Variants in CACNA1C observed in about 807,000 individuals in gnomAD.
CACNA1C encodes the protein voltage-dependent L-type calcium channel subunit alpha-1C.
Under a neutral mutation model 229.0 loss-of-function variants are expected in CACNA1C, and 30 were observed. The ratio of observed to expected loss-of-function variants is 0.13; its 90% CI spans 0.10 to 0.18. CACNA1C has a LOEUF of 0.18. Among genes scored for constraint, CACNA1C ranks in the 10% least tolerant of loss-of-function variants. The probability of loss-of-function intolerance (pLI) is 1.00; values close to 1 mark genes in which losing one functional copy is unlikely to be tolerated. For synonymous variants in CACNA1C, 1,114 were observed against 1,132.5 expected (o/e 0.98, Z 0.33); for missense variants, 1,658 against 2,845.0 (o/e 0.58, Z 9.49).
rs1024367738 is a variant in CACNA1C, at chr12:2,391,784, T to C, written c.478-57192T>C. On this transcript the variant is annotated intron_variant, in intron 3 of 46. Coordinates refer to ENST00000399655, the MANE Select transcript of CACNA1C (RefSeq NM_000719.7). The stretch of plus-strand genomic sequence containing the variant: ...AAGAACACCCACTCTGTTTGCCCTC[T>C]AGACCTGGGCTATCGAATCCACTAG... 5.3e-5 allele frequency among the ~76,000 whole-genome samples: 8 copies of C among 152,256 alleles called. No individual in the cohort carries two copies. In the South Asian group the frequency reaches 6.2e-4, roughly 12 times the overall value.
intron 3 of CACNA1C, among the ~76,000 whole-genome samples, chr12:2,209,085 G>A (rs950570589): frequency 1.1e-4 from 16 of 152,180 alleles, no homozygotes; most frequent in African/African-American, 3.9e-4. Flanking sequence ...TGTTTGTGCA[G>A]CACCTGGTAT....
intron 3 of CACNA1C, among the ~76,000 whole-genome samples, chr12:2,409,848 G>T (rs1260245114): frequency 6.6e-6 from 1 of 152,248 alleles, no homozygotes. Flanking sequence ...AGCAGGGGAG[G>T]TGGAGGCAAC....
At chr12:1,994,230 T>TA (rs2040247776) in intron 1 of CACNA1C, among the ~76,000 whole-genome samples, 3 of 152,222 alleles carry the variant, frequency 2.0e-5, no homozygotes, top group African/African-American at 7.2e-5. Context: ...AAACACCACA[T>TA]ACTTACACAC....
chr12:2,653,776 A>AG lies in CACNA1C; in HGVS notation c.4075-55dup. The AG allele has an allele frequency of 1.4e-6, 2 of 1,473,878 alleles. No individual in the cohort carries two copies. Among genetic ancestry groups the AG allele is most frequent in the Non-Finnish European group, 1.9e-6 (2 of 1,055,558 alleles). The allele number at this position is 1,473,878 out of a possible 1,614,324, so 91.3% of individuals were successfully genotyped here. ...GACAGGGATGCGGCGCTCCCTGGGA[A>AG]GGGGCCCAGCTGGCCTCTGCACTCC... On this transcript the variant is annotated intron_variant, in intron 32 of 46. Transcript: ENST00000399655. This position sits in a 1 kb window ranked among gnomAD's most constrained non-coding sequence, Gnocchi z 4.7.
chr12:2,255,596 T>G (rs573468204), intron 3 of CACNA1C, among the ~76,000 whole-genome samples: 12 of 152,326 alleles, frequency 7.9e-5, no homozygotes, highest in African/African-American at 2.2e-4. Context: ...CTTCCCAGTT[T>G]ACTAAGTGTG....
chr12:2,226,436 A>G (rs2063045802), intron 3 of CACNA1C, among the ~76,000 whole-genome samples: 1 of 152,200 alleles, frequency 6.6e-6, no homozygotes, highest in Non-Finnish European at 1.5e-5. Flanking sequence ...TATTCACTGT[A>G]ATACCCTGAC....
rs2097836133 is a variant in CACNA1C, at chr12:2,695,691, T to C, written c.*4492T>C. 6.6e-6 allele frequency: 1 copy of C among 152,248 alleles called. No homozygotes were observed. Among genetic ancestry groups the C allele is most frequent in the African/African-American group, 2.4e-5 (1 of 41,452 alleles). The allele number at this position is 152,248 out of a possible 1,614,324, so 9.4% of individuals were successfully genotyped here. ...GCTCCCTGTCCTCCCCAACACCTAGTGAGAAAGACGGTGCGTGGAAGGGAG... is the reference window on the plus strand; with the variant it reads ...GCTCCCTGTCCTCCCCAACACCTAGCGAGAAAGACGGTGCGTGGAAGGGAG... On this transcript the variant is annotated 3_prime_UTR_variant, in exon 47 of 47. Coordinates refer to ENST00000399655, the MANE Select transcript of CACNA1C (RefSeq NM_000719.7).
chr12:2,695,128 T>G lies in CACNA1C; in HGVS notation c.*3929T>G, dbSNP rs1209760185. 1 of 152,220 alleles carries G rather than the reference T, an allele frequency of 6.6e-6. No homozygotes were observed. Among genetic ancestry groups the G allele is most frequent in the African/African-American group, 2.4e-5 (1 of 41,452 alleles). 9.4% of individuals were successfully genotyped at this position (152,220 alleles called of 1,614,324 possible). The stretch of plus-strand genomic sequence containing the variant: ...GATGGAGTCTGGGCCGTTTCCATAT[T>G]TTAAAGAAGACCTGCCTCTGGGGCA... On this transcript the variant is annotated 3_prime_UTR_variant, in exon 47 of 47. Coordinates refer to ENST00000399655, the MANE Select transcript of CACNA1C (RefSeq NM_000719.7).
At chr12:2,177,409 C>T (rs1216879317) in intron 3 of CACNA1C, among the ~76,000 whole-genome samples, 1 of 152,198 alleles carries the variant, frequency 6.6e-6, no homozygotes, top group Non-Finnish European at 1.5e-5. Context: ...GCCTCAAAGA[C>T]AGCTTGAAAG....
intron 25 of CACNA1C, 81 bp from the exon 26 acceptor site, chr12:2,606,903 C>T: frequency 6.6e-7 from 1 of 1,510,426 alleles, no homozygotes; most frequent in Non-Finnish European, 9.1e-7. Flanking sequence ...CCCATCCCAC[C>T]CAGCATTCAA....
intron 5 of CACNA1C, among the ~76,000 whole-genome samples, chr12:2,480,344 C>T (rs1318838564): frequency 6.6e-6 from 1 of 152,222 alleles, no homozygotes; most frequent in Non-Finnish European, 1.5e-5. Flanking sequence ...TTAAGCACCA[C>T]TTCCTGGAAA....
intron 3 of CACNA1C, among the ~76,000 whole-genome samples, chr12:2,126,456 T>G (rs182870550): frequency 6.6e-6 from 1 of 152,348 alleles, no homozygotes; most frequent in East Asian, 1.9e-4. Flanking sequence ...GTGGAAAACT[T>G]CCTGTCCTCT....
intron 3 of CACNA1C, among the ~76,000 whole-genome samples, chr12:2,335,282 A>G (rs1423863279): frequency 6.6e-6 from 1 of 152,148 alleles, no homozygotes; most frequent in Non-Finnish European, 1.5e-5. Flanking sequence ...CTCTTCCGCC[A>G]TGCCTGCAGG....
At chr12:2,261,452 A>G (rs1566744083) in intron 3 of CACNA1C, among the ~76,000 whole-genome samples, 1 of 152,052 alleles carries the variant, frequency 6.6e-6, no homozygotes, top group African/African-American at 2.4e-5. Flanking sequence ...GCTCTGGGAA[A>G]CTCTGCTGTG....
intron 3 of CACNA1C, among the ~76,000 whole-genome samples, chr12:2,308,993 G>A (rs1406475924): frequency 2.0e-5 from 3 of 152,178 alleles, no homozygotes. Flanking sequence ...ACTTCTGGGT[G>A]TATATCTAAA....
intron 3 of CACNA1C, among the ~76,000 whole-genome samples, chr12:2,371,172 A>C (rs1474994521): frequency 6.6e-6 from 1 of 152,210 alleles, no homozygotes; most frequent in East Asian, 1.9e-4. Context: ...GATTTTGGGT[A>C]GGAGTGAAAG....
Position 2,116,618 on chromosome 12 carries a change from C to T in CACNA1C, c.371+1073C>T, listed in dbSNP as rs142496833. On this transcript the variant is annotated intron_variant, in intron 2 of 46. Coordinates refer to ENST00000399655, the MANE Select transcript of CACNA1C (RefSeq NM_000719.7). ...TCCTAACCTCGTGATCTGCCTGCCT[C>T]GGCCTCCCAAAGTGTTGGGATTACA... Among the ~76,000 whole-genome samples the T allele has an allele frequency of 7.7e-3, 1,169 of 152,196 alleles. 7 individuals carry two copies. The highest frequency in any genetic ancestry group is 0.017 in the Middle Eastern group (5 of 294).
rs879216579 is a variant in CACNA1C at position 2,677,240 on chromosome 12, G to A, written c.4956+19G>A. On this transcript the variant is annotated intron_variant, in intron 40 of 46. Coordinates refer to ENST00000399655, the MANE Select transcript of CACNA1C (RefSeq NM_000719.7). This position sits in a 1 kb window ranked among gnomAD's most constrained non-coding sequence, Gnocchi z 7.4. ...TCTGCAGGTGAGGGCCTGGGGGCGG[G>A]CCCACACTCCAGGAAGGTCCTGGTC... is the stretch of plus-strand genomic sequence containing the variant. The A allele has an allele frequency of 1.2e-6, 2 of 1,612,108 alleles. No homozygotes were observed. The highest frequency in any genetic ancestry group is 3.3e-5 in the Admixed American group (2 of 59,906).
intron 3 of CACNA1C, among the ~76,000 whole-genome samples, chr12:2,138,338 T>C (rs1293822773): frequency 6.6e-6 from 1 of 151,106 alleles, no homozygotes; most frequent in Admixed American, 6.7e-5. Flanking sequence ...GCACAAGCCT[T>C]GGTGTGGCCT....
Sources: allele counts gnomAD v4.1 joint callset (sites outside exome capture counted in the v4.1 genomes callset), GRCh38; gene constraint gnomAD v4.1.1; non-coding constraint Gnocchi (gnomAD v3.1); transcripts MANE v1.5; gene names NCBI Gene and HGNC (gene_info 2026-07-23, HGNC 2026-07-21).